Variants in LRRTM4 observed in about 807,000 individuals in gnomAD.
LRRTM4 encodes leucine rich repeat transmembrane neuronal 4, also known as leucine-rich repeat transmembrane neuronal protein 4.
A neutral mutation model predicts 47.6 loss-of-function variants in LRRTM4; 25 were observed. That is an observed-to-expected ratio of 0.53 (90% confidence interval 0.38 to 0.73). LRRTM4 has a LOEUF of 0.73. Ranked by LOEUF, LRRTM4 falls within the 30% of genes least tolerant of loss-of-function variation. The pLI, the probability that LRRTM4 is intolerant of heterozygous loss-of-function variation, is 0.00. For synonymous variants in LRRTM4, 311 were observed against 269.5 expected (o/e 1.15, Z -1.51); for missense variants, 638 against 713.4 (o/e 0.89, Z 1.20).
chr2:76,983,777 A>T (rs1252910863), intron 3 of LRRTM4, among the ~76,000 whole-genome samples: 2 of 152,084 alleles, frequency 1.3e-5, no homozygotes, highest in African/African-American at 4.8e-5. Context: ...CAACTTTGTA[A>T]ATCTTTTCAG....
chr2:77,387,648 C>T (rs146529140), intron 3 of LRRTM4, among the ~76,000 whole-genome samples: 1 of 152,220 alleles, frequency 6.6e-6, no homozygotes, highest in Admixed American at 6.5e-5. Flanking sequence ...CTTCTGCCAG[C>T]TTGTATGAAA....
chr2:77,265,143 G>A (rs1676017693), intron 3 of LRRTM4, among the ~76,000 whole-genome samples: 1 of 151,998 alleles, frequency 6.6e-6, no homozygotes, highest in African/African-American at 2.4e-5. Flanking sequence ...AATGCATCAA[G>A]GCTATAAAAG....
chr2:76,763,994 C>A (rs893286252), intron 3 of LRRTM4, among the ~76,000 whole-genome samples: 11 of 152,066 alleles, frequency 7.2e-5, no homozygotes, highest in African/African-American at 2.7e-4. Context: ...AAGTTAGGAG[C>A]AGATGATTGG....
intron 3 of LRRTM4, among the ~76,000 whole-genome samples, chr2:77,292,793 C>A (rs1322367642): frequency 6.6e-6 from 1 of 151,254 alleles, no homozygotes; most frequent in African/African-American, 2.4e-5. Context: ...CACATGTATA[C>A]ATATGTAACT....
intron 3 of LRRTM4, among the ~76,000 whole-genome samples, chr2:76,879,885 A>T (rs1479996588): frequency 6.6e-6 from 1 of 152,234 alleles, no homozygotes; most frequent in Admixed American, 6.5e-5. Context: ...TGAGGGGTTC[A>T]TCATTTCAGT....
At chr2:76,901,248 G>A (rs920161410) in intron 3 of LRRTM4, among the ~76,000 whole-genome samples, 5 of 152,050 alleles carry the variant, frequency 3.3e-5, no homozygotes, top group Non-Finnish European at 5.9e-5. Flanking sequence ...TCCCCTTCCT[G>A]TGTCCATGTG....
rs564578949 is a variant in LRRTM4 at position 76,835,299 on chromosome 2, TG to T, written c.1552-86384del. The stretch of plus-strand genomic sequence containing the variant: ...GAAAAAAACACTAAATGAAAACTAA[TG>T]TGAGTGTCTGGCTCCTAACATATGC... On this transcript the variant is annotated intron_variant, in intron 3 of 3. Transcript: ENST00000409884. 4.9e-4 allele frequency among the ~76,000 whole-genome samples: 75 copies of T among 151,702 alleles called. No homozygotes were observed. In the South Asian group the frequency reaches 0.015, roughly 30 times the overall value.
intron 3 of LRRTM4, among the ~76,000 whole-genome samples, chr2:77,373,092 T>G (rs868744202): frequency 1.7e-5 from 2 of 116,864 alleles, no homozygotes; most frequent in Admixed American, 1.7e-4. Flanking sequence ...AAAAAAAATA[T>G]ATATATATAT....
chr2:77,365,854 A>C (rs868255209), intron 3 of LRRTM4, among the ~76,000 whole-genome samples: 7 of 149,998 alleles, frequency 4.7e-5, no homozygotes, highest in African/African-American at 1.7e-4. Flanking sequence ...GCCAAAATAC[A>C]AGCAATGTTT....
chr2:77,413,594 A>T (rs1674522835), intron 3 of LRRTM4, among the ~76,000 whole-genome samples: 1 of 152,178 alleles, frequency 6.6e-6, no homozygotes, highest in Admixed American at 6.5e-5. Context: ...TTTTACCTAA[A>T]TGTAACAATT....
chr2:77,128,690 A>G (rs1008793225), intron 3 of LRRTM4, among the ~76,000 whole-genome samples: 2 of 152,136 alleles, frequency 1.3e-5, no homozygotes, highest in Non-Finnish European at 1.5e-5. Context: ...TGGAGGCTGG[A>G]GTGCAATGGC....
chr2:77,028,259 G>C (rs1244396344), intron 3 of LRRTM4, among the ~76,000 whole-genome samples: 1 of 152,110 alleles, frequency 6.6e-6, no homozygotes, highest in Non-Finnish European at 1.5e-5. Flanking sequence ...ACATAGATTA[G>C]GAAAGTTGGC....
chr2:76,974,223 CAT>C (rs1294649444), intron 3 of LRRTM4, among the ~76,000 whole-genome samples: 4 of 115,994 alleles, frequency 3.4e-5, no homozygotes, highest in African/African-American at 4.2e-5. Flanking sequence ...CATATATATA[CAT>C]ACATATATAT....
At chr2:77,301,098 T>C (rs1677123829) in intron 3 of LRRTM4, among the ~76,000 whole-genome samples, 2 of 152,144 alleles carry the variant, frequency 1.3e-5, no homozygotes, top group Admixed American at 6.5e-5. Context: ...ACAGCACTGA[T>C]ATAAACCTAT....
chr2:77,253,161 G>A (rs777722251), intron 3 of LRRTM4, among the ~76,000 whole-genome samples: 5 of 151,926 alleles, frequency 3.3e-5, no homozygotes, highest in Non-Finnish European at 7.4e-5. Context: ...ATAAAACATG[G>A]CTATTAGTCC....
At chr2:76,916,384 CAAAAA>C (rs57874749) in intron 3 of LRRTM4, among the ~76,000 whole-genome samples, 9 of 53,508 alleles carry the variant, frequency 1.7e-4, no homozygotes, top group Non-Finnish European at 2.8e-4. Context: ...GACTGTGTCT[CAAAAA>C]AAAAAAAAAA....
chr2:77,394,041 T>C (rs1002663615), intron 3 of LRRTM4, among the ~76,000 whole-genome samples: 5 of 152,050 alleles, frequency 3.3e-5, no homozygotes, highest in Non-Finnish European at 7.4e-5. Flanking sequence ...CAATGAAGTA[T>C]TGGATGTAAT....
chr2:77,074,144 G>A (rs1376496196), intron 3 of LRRTM4, among the ~76,000 whole-genome samples: 2 of 152,056 alleles, frequency 1.3e-5, no homozygotes, highest in Non-Finnish European at 2.9e-5. Flanking sequence ...ATTTTAACTG[G>A]CTCCAACTTC....
In LRRTM4 at chr2:76,866,497, A is replaced by AT. The variant is rs545042345; in HGVS notation, c.1552-117582dup. Among the ~76,000 whole-genome samples the AT allele has an allele frequency of 6.9e-3, 1,027 of 148,740 alleles. 11 individuals carry two copies. Among genetic ancestry groups the AT allele is most frequent in the African/African-American group, 0.021 (866 of 40,640 alleles). The stretch of plus-strand genomic sequence containing the variant: ...TCTTTCAGTTTTGGATTGGCTCTTC[A>AT]TTTTTTTTTTCTAAGACTGATTTAA... On this transcript the variant is annotated intron_variant, in intron 3 of 3. Coordinates refer to ENST00000409884, the MANE Select transcript of LRRTM4 (RefSeq NM_001134745.3).
Sources: gnomAD v4.1 joint callset for allele counts (sites outside exome capture counted in the v4.1 genomes callset) on GRCh38, gnomAD v4.1.1 for gene constraint, MANE v1.5 for transcripts, NCBI Gene and HGNC (gene_info 2026-07-23, HGNC 2026-07-21) for gene names.